Variants in PSG9 observed in about 807,000 individuals in gnomAD.
PSG9 encodes pregnancy-specific beta-1-glycoprotein 9.
In PSG9, 49 loss-of-function variants were observed where a neutral mutation model predicts 41.9. That is an observed-to-expected ratio of 1.17 (90% CI 0.93 to 1.48). PSG9 has a LOEUF of 1.48. PSG9 is among the 40% of genes most tolerant of loss of function. PSG9 has a pLI of 0.00. For synonymous variants in PSG9, 263 were observed against 196.8 expected (o/e 1.34, Z -2.82); for missense variants, 641 against 520.3 (o/e 1.23, Z -2.26).
In PSG9 at chr19:43,262,120, T is replaced by C; in HGVS notation, c.449A>G (p.Tyr150Cys). ...GGGGTTTAAGTTGCTGCTGGAGATG[T>C]AGGGCTTGGGAGTCTCCACTGTGCA... ...FTLYLETPKP[Y>C]ISSSNLNPRE... Residue 150 changes from tyrosine to cysteine, a missense_variant, in exon 3 of 6, where the codon TAC becomes TGC. Coordinates refer to ENST00000270077, the MANE Select transcript of PSG9 (RefSeq NM_002784.5). 1.2e-6 allele frequency: 2 copies of C among 1,613,808 alleles called. No homozygotes were observed. The highest frequency in any genetic ancestry group is 2.2e-5 in the South Asian group (2 of 91,050).
intron 1 of PSG9, 61 bp from the exon 2 acceptor site, chr19:43,268,210 G>A: frequency 1.3e-6 from 2 of 1,514,522 alleles, no homozygotes; most frequent in Non-Finnish European, 1.8e-6. Context: ...GAAAAGATGG[G>A]GCCCTGGGTC....
chr19:43,261,077 G>A (rs1421618635), intron 3 of PSG9, among the ~76,000 whole-genome samples: 2 of 152,078 alleles, frequency 1.3e-5, no homozygotes, highest in Non-Finnish European at 2.9e-5. Flanking sequence ...TGGTTTTGGA[G>A]CAGAAACATA....
rs201482023 is a variant in PSG9 at position 43,258,494 on chromosome 19, C to T, written c.989-38G>A. ...GAATAAAGCCACACGTGATGTCATTCGAGGGAAGGGGATGTTCCTGGTCTC... is the reference window on the plus strand; with the variant it reads ...GAATAAAGCCACACGTGATGTCATTTGAGGGAAGGGGATGTTCCTGGTCTC... On this transcript the variant is annotated intron_variant, in intron 4 of 5. Transcript: ENST00000270077. 7.0e-5 allele frequency: 107 copies of T among 1,528,196 alleles called. 5 individuals are homozygous for T. The highest frequency in any genetic ancestry group is 8.5e-5 in the Non-Finnish European group (97 of 1,145,990). 94.7% of individuals were successfully genotyped at this position (1,528,196 alleles called of 1,614,324 possible). A position where few individuals can be genotyped will look rare whatever the true frequency, so the allele number is the denominator to read the frequency against.
chr19:43,263,961 G>C (rs1599834995), intron 2 of PSG9, among the ~76,000 whole-genome samples: 1 of 152,124 alleles, frequency 6.6e-6, no homozygotes, highest in South Asian at 2.1e-4. Context: ...GGGGAGGACT[G>C]CAAAACAGGT....
rs1969041092 is a variant in PSG9, at chr19:43,267,783, C to T, written c.430+1G>A. ...CCCAGGGATCATGTGGAATCACTCA[C>T]AGTATAAGGTGAAGGTGAAATGTCG... On this transcript the variant is annotated splice_donor_variant, in intron 2 of 5. Transcript: ENST00000270077. LOFTEE classifies it high-confidence loss of function. 1 of 1,612,378 alleles carries T rather than the reference C, an allele frequency of 6.2e-7. No individual in the cohort carries two copies. The highest frequency in any genetic ancestry group is 8.5e-7 in the Non-Finnish European group (1 of 1,179,110).
chr19:43,255,839 T>C lies in PSG9; in HGVS notation c.1244-2193A>G, dbSNP rs1313295956. On this transcript the variant is annotated intron_variant, in intron 5 of 5. Coordinates refer to ENST00000270077, the MANE Select transcript of PSG9 (RefSeq NM_002784.5). ...ATACCTGAAATCTACAAAATATTGCTGAAAGAAATGAAAGATGACATCAAT... is the reference window on the plus strand; with the variant it reads ...ATACCTGAAATCTACAAAATATTGCCGAAAGAAATGAAAGATGACATCAAT... Among the ~76,000 whole-genome samples, 3 of 146,532 alleles carry C rather than the reference T, an allele frequency of 2.0e-5. 1 individual carries two copies. The highest frequency in any genetic ancestry group is 7.8e-5 in the African/African-American group (3 of 38,658).
In PSG9 at chr19:43,262,038, G is replaced by C; in HGVS notation, c.531C>G (p.Ser177Arg). 1 of 1,614,026 alleles carries C rather than the reference G, an allele frequency of 6.2e-7. No homozygotes were observed. Among genetic ancestry groups the C allele is most frequent in the Non-Finnish European group, 8.5e-7 (1 of 1,179,916 alleles). The stretch of plus-strand genomic sequence containing the variant: ...TCTGACCATTCATCCACCATAGGTA[G>C]CTTGCGTCCAGAGTCTCAGGATCAC... Reference protein sequence around the residue: ...LICDPETLDASYLWWMNGQSL... With the variant: ...LICDPETLDARYLWWMNGQSL... Residue 177 changes from serine to arginine, a missense_variant, in exon 3 of 6, where the codon AGC becomes AGG. Physicochemically the swap from Ser to Arg is moderately radical, Grantham distance 110. Transcript: ENST00000270077.
chr19:43,265,416 G>A lies in PSG9; in HGVS notation c.430+2368C>T, dbSNP rs1341599460. On this transcript the variant is annotated intron_variant, in intron 2 of 5. Transcript: ENST00000270077. ...CTCATTCTTTTGCATTCTGGCAACC[G>A]GCTGACCTCATCCATACCTATGACT... Among the ~76,000 whole-genome samples the A allele has an allele frequency of 3.9e-5, 6 of 152,088 alleles. 1 individual carries two copies. Among genetic ancestry groups the A allele is most frequent in the Non-Finnish European group, 8.8e-5 (6 of 68,014 alleles).
In PSG9 at chr19:43,257,916, CCTT is replaced by C. The variant is rs1422150945; in HGVS notation, c.1243+283_1243+285del. ...GAAGCAACTTGATCTTGAGGACTCT[CCTT>C]CTTGTCCCTCTCTGAAGCCTCTTCT... is the stretch of plus-strand genomic sequence containing the variant. On this transcript the variant is annotated intron_variant, in intron 5 of 5. Transcript: ENST00000270077. The C allele has an allele frequency of 8.5e-6, 12 of 1,410,306 alleles. 2 individuals carry two copies. The East Asian group carries it at 2.8e-4, about 33-fold the overall frequency. The allele number at this position is 1,410,306 out of a possible 1,614,324, so 87.4% of individuals were successfully genotyped here.
rs1043257946 is a variant in PSG9, at chr19:43,259,050, C to T, written c.795G>A (p.Lys265=). 5.0e-6 allele frequency: 8 copies of T among 1,590,456 alleles called. 2 individuals are homozygous for T. The highest frequency in any genetic ancestry group is 2.7e-5 in the East Asian group (1 of 37,544). Residue 265 remains lysine, a synonymous_variant, in exon 4 of 6, where the codon AAG becomes AAA. Transcript: ENST00000270077. ...ACCAAATGTAGGTGTAGTTCTCACT[C>T]TTAGGTTCACAGGTGAAGGCTAAGA... The part of the protein sequence containing the change: ...KDVLAFTCEP[K]SENYTYIWWL...
At chr19:43,263,593 A>AAC in intron 2 of PSG9, among the ~76,000 whole-genome samples, 1 of 133,572 alleles carries the variant, frequency 7.5e-6, no homozygotes, top group East Asian at 2.3e-4. Flanking sequence ...TCTAGTAACA[A>AAC]AAAAAAAAAA....
chr19:43,261,724 A>C, intron 3 of PSG9, 136 bp downstream of exon 3: 3 of 1,602,792 alleles, frequency 1.9e-6, no homozygotes, highest in Non-Finnish European at 2.6e-6. Context: ...TGCTTGGGGC[A>C]GAAAGTCATG....
rs1415726415 is a variant in PSG9 at position 43,259,383 on chromosome 19, G to A, written c.710-248C>T. 2.4e-5 allele frequency: 17 copies of A among 698,716 alleles called. 2 individuals carry two copies. In the East Asian group the frequency reaches 6.0e-4, roughly 25 times the overall value. The allele number at this position is 698,716 out of a possible 1,614,324, so 43.3% of individuals were successfully genotyped here. A position where few individuals can be genotyped will look rare whatever the true frequency, so the allele number is the denominator to read the frequency against. ...AATTGAGCAGCAGTGTTGGGTCATG[G>A]ACAGACACATCAGTGGGAGTCACAG... is the stretch of plus-strand genomic sequence containing the variant. On this transcript the variant is annotated intron_variant, in intron 3 of 5. Coordinates refer to ENST00000270077, the MANE Select transcript of PSG9 (RefSeq NM_002784.5).
chr19:43,258,729 A>T, intron 4 of PSG9, 128 bp downstream of exon 4: 1 of 1,456,030 alleles, frequency 6.9e-7, no homozygotes, highest in African/African-American at 1.5e-5. Context: ...GCAGGGAGTC[A>T]TGGCCACCTC....
Position 43,258,343 on chromosome 19 carries a change from T to TAC in PSG9, c.1101_1102insGT (p.Ile368ValfsTer43), listed in dbSNP as rs767692427. The TAC allele has an allele frequency of 3.4e-5, 54 of 1,592,956 alleles. 13 individuals are homozygous for TAC. In the East Asian group the frequency reaches 1.4e-3, roughly 42 times the overall value. On this transcript the variant is annotated frameshift_variant, in exon 5 of 6. Coordinates refer to ENST00000270077, the MANE Select transcript of PSG9 (RefSeq NM_002784.5). LOFTEE classifies it high-confidence loss of function. ...CCTGATTGCTGAAACTTCCCATTAATTGTCCAAAAATACTCTGCCGGTGGG... is the reference window on the plus strand; with the variant it reads ...CCTGATTGCTGAAACTTCCCATTAATACTGTCCAAAAATACTCTGCCGGTGGG...
intron 2 of PSG9, among the ~76,000 whole-genome samples, chr19:43,264,399 T>A (rs1968867989): frequency 6.6e-6 from 1 of 152,140 alleles, no homozygotes; most frequent in East Asian, 1.9e-4. Context: ...AGCTAGGGAT[T>A]CTTTCCTCAG....
Position 43,269,385 on chromosome 19 carries a change from T to C in PSG9, c.47A>G (p.Lys16Arg). ...APSCTQRITW[K>R]GLLLTASLLN... ...CTCCTCACCTGTGAGCAGGAGCCCCTTCCAGGTGATGCGCTGTGTGCAGGA... is the reference window on the plus strand; with the variant it reads ...CTCCTCACCTGTGAGCAGGAGCCCCCTCCAGGTGATGCGCTGTGTGCAGGA... Residue 16 changes from lysine to arginine, a missense_variant, in exon 1 of 6, where the codon AAG (lysine) becomes AGG (arginine). Physicochemically the swap from Lys to Arg is conservative, Grantham distance 26. Coordinates refer to ENST00000270077, the MANE Select transcript of PSG9 (RefSeq NM_002784.5). 1.2e-6 allele frequency: 2 copies of C among 1,613,606 alleles called. No individual in the cohort carries two copies. Among genetic ancestry groups the C allele is most frequent in the Non-Finnish European group, 1.7e-6 (2 of 1,179,646 alleles).
intron 2 of PSG9, among the ~76,000 whole-genome samples, chr19:43,264,690 C>G (rs899858588): frequency 2.0e-5 from 3 of 152,180 alleles, no homozygotes; most frequent in African/African-American, 7.2e-5. Context: ...ATCTCCTGAC[C>G]TTGTGCCCGC....
Position 43,261,881 on chromosome 19 carries a change from G to T in PSG9, c.688C>A (p.Pro230Thr). The change falls in exon 3 of 6, where the codon CCA becomes ACA. Residue 230 changes from proline (P) to threonine (T), a missense_variant. By Grantham distance (38) the Pro-to-Thr change is conservative. Coordinates refer to ENST00000270077, the MANE Select transcript of PSG9 (RefSeq NM_002784.5). ...TCACGGAGGAGATTCAGGGTGACTG[G>T]GTCACTGCGACTGGCACTCACTGGG... ...RNPVSASRSD[P>T]VTLNLLPKLP... The T allele has an allele frequency of 6.2e-7, 1 of 1,614,028 alleles. No homozygotes were observed. Among genetic ancestry groups the T allele is most frequent in the Non-Finnish European group, 8.5e-7 (1 of 1,179,924 alleles).
Sources: allele counts gnomAD v4.1 joint callset (sites outside exome capture counted in the v4.1 genomes callset), GRCh38; gene constraint gnomAD v4.1.1; transcripts MANE v1.5; gene names NCBI Gene and HGNC (gene_info 2026-07-23, HGNC 2026-07-21).